The following ZBTB20 variants were observed in gnomAD, a reference collection of about 807,000 sequenced individuals.
The protein encoded by ZBTB20 is zinc finger and BTB domain containing 20, also known as zinc finger and BTB domain-containing protein 20.
A neutral mutation model predicts 56.9 loss-of-function variants in ZBTB20; 9 were observed. That is an observed-to-expected ratio of 0.16 (90% CI 0.10 to 0.28). The LOEUF (loss-of-function observed/expected upper bound fraction) is 0.28. Ranked by LOEUF, ZBTB20 falls within the 10% of genes least tolerant of loss-of-function variation. The pLI is 1.00. For synonymous variants in ZBTB20, 417 were observed against 420.7 expected, an observed-to-expected ratio of 0.99 and a Z score of 0.11; for missense variants, 655 against 1,003.0, an observed-to-expected ratio of 0.65 and a Z score of 4.69.
chr3:114,489,628 A>ATAGT lies in ZBTB20; in HGVS notation c.-255+10720_-255+10723dup, dbSNP rs200850539. Reference sequence around the variant, plus strand: ...AAGGTGATCTAAAAAATTATTAATAATAGTTGGTTCTGTGTAGTGGAATTA... The same window carrying ATAGT: ...AAGGTGATCTAAAAAATTATTAATAATAGTTAGTTGGTTCTGTGTAGTGGAATTA... On this transcript the variant is annotated intron_variant, in intron 7 of 11. Transcript: ENST00000675478. Among the ~76,000 whole-genome samples the ATAGT allele has an allele frequency of 4.7e-3, 718 of 152,292 alleles. 7 individuals carry two copies. Among genetic ancestry groups the ATAGT allele is most frequent in the African/African-American group, 0.016 (680 of 41,554 alleles).
Position 114,339,947 on chromosome 3 carries a change from C to G in ZBTB20, c.1805-521G>C, listed in dbSNP as rs578192257. On this transcript the variant is annotated intron_variant, in intron 11 of 11. Transcript: ENST00000675478. The surrounding 1 kb of genome is among the most constrained non-coding windows in gnomAD (Gnocchi z 4.2). ...CCCACTTCTAGTAGTCTAAGAAATA[C>G]ACCTATGTGTTGATTGTGAGTTTGG... Among the ~76,000 whole-genome samples the G allele has an allele frequency of 3.3e-5, 5 of 152,310 alleles. No homozygotes were observed. Among genetic ancestry groups the G allele is most frequent in the Non-Finnish European group, 5.9e-5 (4 of 68,012 alleles).
intron 7 of ZBTB20, among the ~76,000 whole-genome samples, chr3:114,461,381 C>A (rs151043335): frequency 1.3e-3 from 198 of 150,998 alleles, no homozygotes; most frequent in African/African-American, 4.5e-3. Context: ...CAGCTCACTG[C>A]AACCTCAACC....
At chr3:114,563,290 C>T (rs1247913152) in intron 6 of ZBTB20, among the ~76,000 whole-genome samples, 1 of 152,178 alleles carries the variant, frequency 6.6e-6, no homozygotes, top group Non-Finnish European at 1.5e-5. Flanking sequence ...CTCAAATCTG[C>T]AAAGACACCT....
chr3:114,653,905 G>A (rs1243104817), intron 6 of ZBTB20, among the ~76,000 whole-genome samples: 1 of 151,816 alleles, frequency 6.6e-6, no homozygotes, highest in Non-Finnish European at 1.5e-5. Flanking sequence ...TTATTGACAT[G>A]AAGTTTTCAT....
Position 114,835,191 on chromosome 3 carries a change from C to T in ZBTB20, c.-416-34017G>A, listed in dbSNP as rs2074056180. 2.6e-5 allele frequency among the ~76,000 whole-genome samples: 4 copies of T among 152,124 alleles called. No homozygotes were observed. In the South Asian group the frequency reaches 6.2e-4, roughly 24 times the overall value. On this transcript the variant is annotated intron_variant, in intron 4 of 11. Coordinates refer to ENST00000675478, the MANE Select transcript of ZBTB20 (RefSeq NM_001348800.3). ...TAAAGTCAATTTTCTCCCAGTATCG[C>T]TTTATCCCCACAGAGTAAGCAGATG...
chr3:114,801,617 G>T (rs1363676131), intron 4 of ZBTB20, among the ~76,000 whole-genome samples: 1 of 151,834 alleles, frequency 6.6e-6, no homozygotes, highest in African/African-American at 2.4e-5. Context: ...GGGAAATTAT[G>T]ACTTCAAATG....
At position 114,481,718 on chromosome 3, in the gene ZBTB20, C is replaced by G. The variant is rs147147543; in HGVS notation, c.-255+18634G>C. The stretch of plus-strand genomic sequence containing the variant: ...ATCCTTCCCTAATAGTCAGTGGACT[C>G]TTTTAGGTGAAGGACTGTGTCTCTA... On this transcript the variant is annotated intron_variant, in intron 7 of 11. Transcript: ENST00000675478. Among the ~76,000 whole-genome samples, 73 of 152,284 alleles carry G rather than the reference C, an allele frequency of 4.8e-4. No homozygotes were observed. In the East Asian group the frequency reaches 0.012, roughly 25 times the overall value.
At chr3:114,872,049 T>A (rs569149611) in intron 4 of ZBTB20, among the ~76,000 whole-genome samples, 1 of 152,252 alleles carries the variant, frequency 6.6e-6, no homozygotes, top group Non-Finnish European at 1.5e-5. Context: ...AGTACCCTTT[T>A]TAAATAAGCA....
At chr3:114,890,066 A>G (rs1005021457) in intron 4 of ZBTB20, among the ~76,000 whole-genome samples, 1 of 152,124 alleles carries the variant, frequency 6.6e-6, no homozygotes, top group Non-Finnish European at 1.5e-5. Flanking sequence ...GATAACAGAG[A>G]AACTTAAATC....
At chr3:114,732,649 A>T (rs1479666985) in intron 5 of ZBTB20, among the ~76,000 whole-genome samples, 8 of 152,164 alleles carry the variant, frequency 5.3e-5, no homozygotes, top group Admixed American at 5.2e-4. Flanking sequence ...TTCAGTCTTT[A>T]ACTGAGAAAG....
intron 6 of ZBTB20, among the ~76,000 whole-genome samples, chr3:114,542,146 C>A (rs1185447907): frequency 6.6e-6 from 1 of 151,932 alleles, no homozygotes; most frequent in Non-Finnish European, 1.5e-5. Context: ...TATGGAATGC[C>A]CAGATAACAT....
intron 6 of ZBTB20, among the ~76,000 whole-genome samples, chr3:114,565,625 T>A (rs143833542): frequency 6.6e-6 from 1 of 152,324 alleles, no homozygotes; most frequent in African/African-American, 2.4e-5. Context: ...CAGGAGATAA[T>A]ACGGTAGCGA....
chr3:114,697,689 T>C (rs1160334160), intron 5 of ZBTB20, among the ~76,000 whole-genome samples: 2 of 151,958 alleles, frequency 1.3e-5, no homozygotes, highest in Non-Finnish European at 2.9e-5. Flanking sequence ...GCGTTTACTA[T>C]TGATTTACAC....
At chr3:114,399,967 G>C (rs1450727654) in intron 7 of ZBTB20, among the ~76,000 whole-genome samples, 1 of 152,126 alleles carries the variant, frequency 6.6e-6, no homozygotes, top group Admixed American at 6.6e-5. Flanking sequence ...TGAGGAGATT[G>C]AGGTGGATGG....
intron 3 of ZBTB20, among the ~76,000 whole-genome samples, chr3:114,971,425 C>G (rs1370201479): frequency 6.6e-6 from 1 of 152,122 alleles, no homozygotes; most frequent in African/African-American, 2.4e-5. Context: ...ATGACATTTT[C>G]TTATAGTACT....
intron 1 of ZBTB20, among the ~76,000 whole-genome samples, chr3:115,084,460 A>T (rs1191678842): frequency 1.3e-5 from 2 of 152,078 alleles, no homozygotes; most frequent in South Asian, 4.1e-4. Context: ...CCACTAAACA[A>T]AATCTGTGAA....
Position 114,762,994 on chromosome 3 carries a change from A to G in ZBTB20, c.-343+38107T>C, listed in dbSNP as rs188088188. On this transcript the variant is annotated intron_variant, in intron 5 of 11. Coordinates refer to ENST00000675478, the MANE Select transcript of ZBTB20 (RefSeq NM_001348800.3). ...ATGCTATTTTTCCCAAATAAATTTC[A>G]CATACATTCTAATTCCTAAACTTAT... Among the ~76,000 whole-genome samples, 43 of 152,304 alleles carry G rather than the reference A, an allele frequency of 2.8e-4. 1 individual carries two copies. In the Middle Eastern group the frequency reaches 0.02, roughly 72 times the overall value.
intron 10 of ZBTB20, among the ~76,000 whole-genome samples, chr3:114,354,223 C>T (rs1473464160): frequency 6.6e-6 from 1 of 152,196 alleles, no homozygotes; most frequent in African/African-American, 2.4e-5. Flanking sequence ...TTTCTATATA[C>T]AATTTTACTA....
intron 6 of ZBTB20, among the ~76,000 whole-genome samples, chr3:114,572,998 A>C (rs1461013913): frequency 1.3e-5 from 2 of 152,214 alleles, no homozygotes; most frequent in African/African-American, 4.8e-5. Flanking sequence ...TCAGAATGCT[A>C]TTATTAGATT....
Sources: allele counts gnomAD v4.1 joint callset (sites outside exome capture counted in the v4.1 genomes callset), GRCh38; gene constraint gnomAD v4.1.1; non-coding constraint Gnocchi (gnomAD v3.1); transcripts MANE v1.5; gene names NCBI Gene and HGNC (gene_info 2026-07-23, HGNC 2026-07-21).